The following SSBP4 variants were observed in gnomAD, a reference collection of about 807,000 sequenced individuals.
The protein encoded by SSBP4 is single stranded DNA binding protein 4.
Under a neutral mutation model 64.6 loss-of-function variants are expected in SSBP4, and 33 were observed. The observed-to-expected ratio is 0.51, with a 90% CI of 0.39 to 0.68. SSBP4 has a LOEUF of 0.68. Among genes scored for constraint, SSBP4 ranks in the 30% least tolerant of loss-of-function variants. The pLI is 0.00. For synonymous variants in SSBP4, 243 were observed against 224.0 expected, an observed-to-expected ratio of 1.08 and a Z score of -0.76; for missense variants, 583 against 566.8, an observed-to-expected ratio of 1.03 and a Z score of -0.29.
At chr19:18,411,996 C>A in the SSBP4 span, among the ~76,000 whole-genome samples, 1 of 150,534 alleles carries the variant, frequency 6.6e-6, no homozygotes, top group African/African-American at 2.4e-5. Flanking sequence ...AGACCCCCCA[C>A]ACACACACAC....
Position 18,427,712 on chromosome 19 carries a change from C to T in SSBP4, c.133-40C>T, listed in dbSNP as rs769060988. 6.5e-7 allele frequency: 1 copy of T among 1,547,896 alleles called. No homozygotes were observed. Among genetic ancestry groups the T allele is most frequent in the Non-Finnish European group, 8.8e-7 (1 of 1,142,070 alleles). ...ACCCTGCTGGGTGGTGGGGCAGGGTCAGGTAGGGCCACCCCCTCACCACCT... is the reference window on the plus strand; with the variant it reads ...ACCCTGCTGGGTGGTGGGGCAGGGTTAGGTAGGGCCACCCCCTCACCACCT... On this transcript the variant is annotated intron_variant, in intron 2 of 17. Transcript: ENST00000270061. The surrounding 1 kb of genome is among the most constrained non-coding windows in gnomAD (Gnocchi z 4.4).
intron 1 of SSBP4, among the ~76,000 whole-genome samples, chr19:18,420,337 C>G (rs1247552249): frequency 6.6e-6 from 1 of 152,076 alleles, no homozygotes; most frequent in Non-Finnish European, 1.5e-5. Flanking sequence ...AGAGTGCATA[C>G]TGAGGGCCCC....
the SSBP4 span, among the ~76,000 whole-genome samples, chr19:18,408,702 A>T: frequency 1.3e-5 from 2 of 152,232 alleles, no homozygotes; most frequent in African/African-American, 4.8e-5. Context: ...CATGTTGGCC[A>T]GGCTGGTCTC....
Position 18,427,283 on chromosome 19 carries a change from TGG to T in SSBP4, c.60-67_60-66del, listed in dbSNP as rs1441781259. The T allele has an allele frequency of 6.5e-7, 1 of 1,539,978 alleles. No homozygotes were observed. The highest frequency in any genetic ancestry group is 8.9e-7 in the Non-Finnish European group (1 of 1,129,700). ...CCTTTCCACCCGCCCTCCTGAGAGA[TGG>T]AGGGGCTTTGGGGTGGGCCCTTGCC... On this transcript the variant is annotated intron_variant, in intron 1 of 17. Transcript: ENST00000270061. The surrounding 1 kb of genome is among the most constrained non-coding windows in gnomAD (Gnocchi z 4.4).
intron 4 of SSBP4, among the ~76,000 whole-genome samples, chr19:18,428,978 C>G (rs955019741): frequency 4.6e-5 from 7 of 152,236 alleles, no homozygotes; most frequent in Non-Finnish European, 7.4e-5. Context: ...TGGGCGCCCC[C>G]CGCCGGGCCA....
At chr19:18,431,332 C>A in intron 5 of SSBP4, 21 bp from the exon 6 acceptor site, 1 of 686,652 alleles carries the variant, frequency 1.5e-6, no homozygotes, top group South Asian at 1.7e-5. Flanking sequence ...CCCCCCCACC[C>A]ACCTGGTTCT....
chr19:18,425,611 C>G (rs1473479773), intron 1 of SSBP4, among the ~76,000 whole-genome samples: 1 of 152,064 alleles, frequency 6.6e-6, no homozygotes, highest in Admixed American at 6.5e-5. Context: ...GCCGCCGGGC[C>G]AGGAAAGTGG....
At position 18,431,692 on chromosome 19, in the gene SSBP4, C is replaced by T. The variant is rs1304349370; in HGVS notation, c.481C>T (p.Arg161Trp). ...CCCAGGGGGCCCCCGGCCCACCCTG[C>T]GGATGCCGAGTCAGGTGAGAAAGGG... ...RFPGGPRPTL[R>W]MPSQPPAGLP... The change falls in exon 7 of 18, where the codon CGG becomes TGG. Residue 161 changes from arginine to tryptophan, a missense_variant. By Grantham distance (101) the Arg-to-Trp change is moderately radical. Around this residue, in one of 5 missense-constraint regions of SSBP4, gnomAD observed 444 missense variants for 386.6 expected, o/e 1.15. Transcript: ENST00000270061. 1.3e-5 allele frequency: 20 copies of T among 1,551,908 alleles called. No individual in the cohort carries two copies. Among genetic ancestry groups the T allele is most frequent in the South Asian group, 1.1e-4 (9 of 84,440 alleles).
chr19:18,431,300 C>T, intron 5 of SSBP4, 53 bp from the exon 6 acceptor site: 2 of 632,092 alleles, frequency 3.2e-6, no homozygotes, highest in Non-Finnish European at 5.7e-6. Context: ...CCCTCCTCAG[C>T]CAAACCCAGT....
intron 17 of SSBP4, 152 bp from the exon 18 acceptor site, chr19:18,434,065 A>G: frequency 2.7e-6 from 3 of 1,094,822 alleles, no homozygotes; most frequent in Non-Finnish European, 3.3e-6. Flanking sequence ...CGGCCTTCCC[A>G]TGCATCGCCC....
the SSBP4 span, among the ~76,000 whole-genome samples, chr19:18,403,277 G>A: frequency 1.3e-5 from 2 of 152,204 alleles, no homozygotes; most frequent in Non-Finnish European, 2.9e-5. Flanking sequence ...AGTGAAAATA[G>A]TAATCAATAA....
chr19:18,425,345 C>T (rs144238519), intron 1 of SSBP4, among the ~76,000 whole-genome samples: 52 of 152,288 alleles, frequency 3.4e-4, no homozygotes, highest in African/African-American at 1.2e-3. Context: ...TGTCTTACCC[C>T]ACTCTGGCCT....
At chr19:18,431,525 C>A in intron 6 of SSBP4, 107 bp downstream of exon 6, 1 of 1,388,414 alleles carries the variant, frequency 7.2e-7, no homozygotes, top group Non-Finnish European at 9.7e-7. Context: ...GCTGGCCGGG[C>A]TTTGCTGGCT....
At chr19:18,411,313 TGAAAC>T in the SSBP4 span, among the ~76,000 whole-genome samples, 1 of 151,846 alleles carries the variant, frequency 6.6e-6, no homozygotes, top group African/African-American at 2.4e-5. Flanking sequence ...GCCAACATGA[TGAAAC>T]CTTGTCTCTA....
At chr19:18,408,496 A>ATT in the SSBP4 span, among the ~76,000 whole-genome samples, 18,990 of 144,490 alleles carry the variant, frequency 0.13, 1,424 homozygotes, top group South Asian at 0.19. Flanking sequence ...CAAGCCACCA[A>ATT]TTTTTTTTTT....
intron 1 of SSBP4, among the ~76,000 whole-genome samples, chr19:18,424,035 C>T (rs146562509): frequency 1.1e-3 from 171 of 152,318 alleles, no homozygotes; most frequent in African/African-American, 3.9e-3. Flanking sequence ...GGCCGAACAG[C>T]CAGGCTTCAA....
chr19:18,432,202 C>T lies in SSBP4; in HGVS notation c.692C>T (p.Pro231Leu), dbSNP rs1302852889. ...PPNSLAGPGL[P>L]AMNMGPGVRG... The stretch of plus-strand genomic sequence containing the variant: ...AACTCCCTCGCCGGCCCAGGCCTGC[C>T]TGCCATGAACATGTAAGACCCTGGG... The change falls in exon 10 of 18, where the codon CCT becomes CTT. Residue 231 changes from proline to leucine, a missense_variant. Around this residue, in one of 5 missense-constraint regions of SSBP4, gnomAD observed 444 missense variants for 386.6 expected, o/e 1.15. Coordinates refer to ENST00000270061, the MANE Select transcript of SSBP4 (RefSeq NM_032627.5). 1 of 1,613,032 alleles carries T rather than the reference C, an allele frequency of 6.2e-7. No homozygotes were observed. Among genetic ancestry groups the T allele is most frequent in the Non-Finnish European group, 8.5e-7 (1 of 1,179,990 alleles).
At chr19:18,433,281 C>T (rs1973624264) in intron 15 of SSBP4, 68 bp downstream of exon 15, 5 of 1,515,284 alleles carry the variant, frequency 3.3e-6, no homozygotes, top group East Asian at 2.5e-5. Context: ...CTGCTTCCCC[C>T]TGCCGTCAGC....
In SSBP4 at chr19:18,423,297, A is replaced by T. The variant is rs886794387; in HGVS notation, c.59+3590A>T. Among the ~76,000 whole-genome samples, 2 of 152,100 alleles carry T rather than the reference A, an allele frequency of 1.3e-5. No individual in the cohort carries two copies. Among genetic ancestry groups the T allele is most frequent in the Admixed American group, 1.3e-4 (2 of 15,270 alleles). The stretch of plus-strand genomic sequence containing the variant: ...TGGCTTGTTCATCAGCCTGGCAGGT[A>T]AGCCAGGGATGGGATTCACGATTGG... On this transcript the variant is annotated intron_variant, in intron 1 of 17. Coordinates refer to ENST00000270061, the MANE Select transcript of SSBP4 (RefSeq NM_032627.5). The surrounding 1 kb of genome is among the most constrained non-coding windows in gnomAD (Gnocchi z 4.0).
Sources: allele counts gnomAD v4.1 joint callset (sites outside exome capture counted in the v4.1 genomes callset), GRCh38; gene constraint gnomAD v4.1.1; regional missense constraint gnomAD v4.1.1; non-coding constraint Gnocchi (gnomAD v3.1); transcripts MANE v1.5; gene names NCBI Gene and HGNC (gene_info 2026-07-23, HGNC 2026-07-21).